The following HELQ variants were observed in gnomAD, a reference collection of about 807,000 sequenced individuals.
HELQ encodes helicase, POLQ like, also known as helicase POLQ-like.
A neutral mutation model predicts 111.6 loss-of-function variants in HELQ; 77 were observed. That is an observed-to-expected ratio of 0.69 (90% CI 0.57 to 0.83). HELQ has a LOEUF of 0.83. HELQ is among the 40% of genes least tolerant of loss of function. The pLI is 0.00. For missense variants in HELQ, 1,200 were observed against 1,288.5 expected (o/e 0.93, Z 1.05); for synonymous variants, 438 against 454.7 (o/e 0.96, Z 0.47).
chr4:83,432,368 T>C, intron 9 of HELQ, 101 bp from the exon 10 acceptor site: 1 of 769,970 alleles, frequency 1.3e-6, no homozygotes, highest in African/African-American at 1.8e-5. Flanking sequence ...AATGACATAC[T>C]AACACAAAAT....
intron 17 of HELQ, among the ~76,000 whole-genome samples, chr4:83,415,049 G>A (rs1230794757): frequency 6.6e-6 from 1 of 152,146 alleles, no homozygotes; most frequent in Non-Finnish European, 1.5e-5. Flanking sequence ...AAAAATGATG[G>A]AAAGCTAATT....
chr4:83,453,408 C>T lies in HELQ; in HGVS notation c.835G>A (p.Ala279Thr). Residue 279 changes from alanine (A) to threonine (T), a missense_variant, in exon 2 of 18, where the codon GCC becomes ACC. This residue lies in a region of HELQ where 610 missense variants were observed against 607.1 expected (regional missense o/e 1.00). Coordinates refer to ENST00000295488, the MANE Select transcript of HELQ (RefSeq NM_133636.5). ...LKNAMTGNAK[A>T]QTPIFSRSKQ... ...CTTCTAGAAAATATTGGTGTCTGGG[C>T]CTTCGCATTTCCAGTCATGGCATTT... is the stretch of plus-strand genomic sequence containing the variant. 1 of 1,604,448 alleles carries T rather than the reference C, an allele frequency of 6.2e-7. No homozygotes were observed. The highest frequency in any genetic ancestry group is 1.1e-5 in the South Asian group (1 of 88,964).
At chr4:83,452,604 C>A (rs1022999166) in intron 2 of HELQ, among the ~76,000 whole-genome samples, 1 of 152,104 alleles carries the variant, frequency 6.6e-6, no homozygotes, top group African/African-American at 2.4e-5. Context: ...GAAGACAGAG[C>A]CAGCCAAGGA....
Position 83,432,181 on chromosome 4 carries a change from C to G in HELQ, c.2135G>C (p.Gly712Ala). 6.2e-7 allele frequency: 1 copy of G among 1,602,488 alleles called. No homozygotes were observed. Among genetic ancestry groups the G allele is most frequent in the African/African-American group, 1.3e-5 (1 of 74,642 alleles). Residue 712 changes from glycine (G) to alanine (A), a missense_variant, in exon 10 of 18, where the codon GGA (glycine) becomes GCA (alanine). Physicochemically the swap from Gly to Ala is moderately conservative, Grantham distance 60. Transcript: ENST00000295488. ...KQMIGRAGRA[G>A]IDTIGESILI... ...GATACTCTCCCCAATAGTATCTATT[C>G]CAGCACGACCAGCTCTGCCAATCAT...
In HELQ at chr4:83,446,860, C is replaced by T; in HGVS notation, c.1367G>A (p.Ser456Asn). 6.2e-7 allele frequency: 1 copy of T among 1,613,210 alleles called. No homozygotes were observed. Among genetic ancestry groups the T allele is most frequent in the South Asian group, 1.1e-5 (1 of 91,048 alleles). ...NSLIETGRID[S>N]LGLVVVDELH... ...CTCGTCTACAACAACCAGACCCAGACTGTCAATTCTTCCAGTTTCAATCAA... is the reference window on the plus strand; with the variant it reads ...CTCGTCTACAACAACCAGACCCAGATTGTCAATTCTTCCAGTTTCAATCAA... Residue 456 changes from serine (S) to asparagine (N), a missense_variant, in exon 4 of 18, where the codon AGT (serine) becomes AAT (asparagine). Coordinates refer to ENST00000295488, the MANE Select transcript of HELQ (RefSeq NM_133636.5).
intron 8 of HELQ, among the ~76,000 whole-genome samples, 191 bp from the exon 9 acceptor site, chr4:83,437,288 T>C (rs1720509798): frequency 6.6e-6 from 1 of 152,174 alleles, no homozygotes. Context: ...AATCTTTTTG[T>C]GGATTACAGA....
intron 15 of HELQ, among the ~76,000 whole-genome samples, chr4:83,419,988 A>C (rs11947241): frequency 0.075 from 11,405 of 152,276 alleles, 1,446 homozygotes; most frequent in African/African-American, 0.26. Context: ...AATGAAGTAA[A>C]TTTTAAATTT....
Position 83,453,828 on chromosome 4 carries a change from GT to G in HELQ, c.414del (p.Lys138AsnfsTer25). On this transcript the variant is annotated frameshift_variant, in exon 2 of 18. Transcript: ENST00000295488. LOFTEE classifies it high-confidence loss of function. ...QKYMQLPEHKKHATDFATENL... is the reference protein window; with the variant it reads ...QKYMQLPEHKXHATDFATENL... ...TTTTCAGTGGCAAAGTCTGTAGCAT[GT>G]TTCTTATGTTCAGGGAGTTGCATAT... is the stretch of plus-strand genomic sequence containing the variant. 1 of 1,613,936 alleles carries G rather than the reference GT, an allele frequency of 6.2e-7. No individual in the cohort carries two copies. Among genetic ancestry groups the G allele is most frequent in the Non-Finnish European group, 8.5e-7 (1 of 1,179,878 alleles).
intron 17 of HELQ, among the ~76,000 whole-genome samples, chr4:83,408,609 T>A (rs1183649691): frequency 6.6e-6 from 1 of 151,440 alleles, no homozygotes; most frequent in African/African-American, 2.4e-5. Context: ...AGACTGGATC[T>A]CCCTATGTTG....
At chr4:83,426,118 G>T in intron 13 of HELQ, 26 bp from the exon 14 acceptor site, 1 of 1,216,092 alleles carries the variant, frequency 8.2e-7, no homozygotes, top group Non-Finnish European at 1.2e-6. Context: ...GCAAATAGAT[G>T]GAAACATCAA....
chr4:83,435,751 GGACATGCT>G lies in HELQ; in HGVS notation c.2048+1099_2048+1106del, dbSNP rs1720419390. ...CATGGGGCAGAGTAGAATATACTAA[GGACATGCT>G]AAGCCTCTTTTTATGTTCAGGAGAG... On this transcript the variant is annotated intron_variant, in intron 9 of 17. Transcript: ENST00000295488. Among the ~76,000 whole-genome samples the G allele has an allele frequency of 5.9e-5, 9 of 152,158 alleles. No individual in the cohort carries two copies. In the South Asian group the frequency reaches 1.9e-3, roughly 32 times the overall value.
At chr4:83,437,194 T>A in intron 8 of HELQ, 97 bp from the exon 9 acceptor site, 4 of 1,140,952 alleles carry the variant, frequency 3.5e-6, no homozygotes, top group Non-Finnish European at 5.0e-6. Context: ...AAACATTCTT[T>A]AATGTACTAT....
Position 83,448,069 on chromosome 4 carries a change from G to A in HELQ, c.1191+714C>T, listed in dbSNP as rs551643156. Among the ~76,000 whole-genome samples, 550 of 151,878 alleles carry A rather than the reference G, an allele frequency of 3.6e-3. 4 individuals carry two copies. Among genetic ancestry groups the A allele is most frequent in the Non-Finnish European group, 3.5e-3 (240 of 67,974 alleles). The stretch of plus-strand genomic sequence containing the variant: ...TACTAAAAATACAAAAATTAGCCAG[G>A]CATGGTGGCACACACCTGCAATCCT... On this transcript the variant is annotated intron_variant, in intron 3 of 17. Transcript: ENST00000295488.
intron 6 of HELQ, among the ~76,000 whole-genome samples, chr4:83,442,173 A>G (rs1343932618): frequency 6.6e-6 from 1 of 152,096 alleles, no homozygotes; most frequent in Non-Finnish European, 1.5e-5. Context: ...TGCATTTTAT[A>G]ATAACAATAA....
intron 2 of HELQ, among the ~76,000 whole-genome samples, chr4:83,449,345 A>G (rs1366333511): frequency 1.3e-5 from 2 of 152,226 alleles, no homozygotes; most frequent in Non-Finnish European, 2.9e-5. Context: ...AGATTATATA[A>G]GCTTCCCTTC....
At chr4:83,422,259 A>T (rs1437322306) in intron 14 of HELQ, among the ~76,000 whole-genome samples, 1 of 151,996 alleles carries the variant, frequency 6.6e-6, no homozygotes, top group African/African-American at 2.4e-5. Flanking sequence ...TAAAAGATAA[A>T]CCAAATTATT....
At chr4:83,434,044 T>TA (rs896388204) in intron 9 of HELQ, among the ~76,000 whole-genome samples, 15 of 147,068 alleles carry the variant, frequency 1.0e-4, no homozygotes, top group African/African-American at 1.8e-4. Flanking sequence ...TTCTTAGAAA[T>TA]AAAAAAAAAT....
At position 83,445,871 on chromosome 4, in the gene HELQ, T is replaced by C. The variant is rs571959612; in HGVS notation, c.1465+143A>G. Reference sequence around the variant, plus strand: ...CCAATTTCATTTACCTTCAAAATTCTATTCATTAGAAATTTTAAAACAAAG... The same window carrying C: ...CCAATTTCATTTACCTTCAAAATTCCATTCATTAGAAATTTTAAAACAAAG... On this transcript the variant is annotated intron_variant, in intron 5 of 17. Coordinates refer to ENST00000295488, the MANE Select transcript of HELQ (RefSeq NM_133636.5). 17 of 585,678 alleles carry C rather than the reference T, an allele frequency of 2.9e-5. No homozygotes were observed. The South Asian group carries it at 3.8e-4, about 13-fold the overall frequency. 36.3% of individuals were successfully genotyped at this position (585,678 alleles called of 1,614,324 possible).
Position 83,432,129 on chromosome 4 carries a change from T to C in HELQ, c.2187A>G (p.Gln729=), listed in dbSNP as rs1185947788. Residue 729 remains glutamine (Q), a synonymous_variant, in exon 10 of 18, where the codon CAA becomes CAG. Transcript: ENST00000295488. ...SILILQEKDK[Q]QVLELITKPL... is the part of the protein sequence containing the mutation. ...AACCAACCAAATTGAGTATTACCTG[T>C]TGTTTGTCTTTTTCTTGCAATATGA... 3 of 1,577,138 alleles carry C rather than the reference T, an allele frequency of 1.9e-6. No individual in the cohort carries two copies. The highest frequency in any genetic ancestry group is 2.6e-6 in the Non-Finnish European group (3 of 1,163,780).
Sources: allele counts gnomAD v4.1 joint callset (sites outside exome capture counted in the v4.1 genomes callset), GRCh38; gene constraint gnomAD v4.1.1; regional missense constraint gnomAD v4.1.1; transcripts MANE v1.5; gene names NCBI Gene and HGNC (gene_info 2026-07-23, HGNC 2026-07-21).